Variants in USP32 observed in about 807,000 individuals in gnomAD.
USP32 encodes the protein ubiquitin carboxyl-terminal hydrolase 32.
USP32 carries 59 observed loss-of-function variants against 204.8 expected under a neutral mutation model. The observed-to-expected ratio is 0.29, with a 90% confidence interval of 0.23 to 0.36. The LOEUF is 0.36. Ranked by LOEUF, USP32 falls within the 10% of genes least tolerant of loss-of-function variation. The pLI, the probability that USP32 is intolerant of heterozygous loss-of-function variation, is 1.00. For synonymous variants in USP32, 517 were observed against 678.4 expected, an observed-to-expected ratio of 0.76 and a Z score of 3.70; for missense variants, 1,160 against 1,946.4, an observed-to-expected ratio of 0.60 and a Z score of 7.60.
At chr17:60,279,423 G>A (rs912709616) in intron 5 of USP32, among the ~76,000 whole-genome samples, 7 of 151,350 alleles carry the variant, frequency 4.6e-5, no homozygotes, top group African/African-American at 1.5e-4. Flanking sequence ...AGGTTGAGGC[G>A]GCATTGAGCC....
intron 11 of USP32, among the ~76,000 whole-genome samples, chr17:60,239,827 G>A (rs571291213): frequency 9.2e-5 from 14 of 152,242 alleles, no homozygotes; most frequent in East Asian, 5.8e-4. Flanking sequence ...TCCGCCTCCC[G>A]GGTTCAAGGG....
At chr17:60,227,247 A>G (rs928137216) in intron 12 of USP32, among the ~76,000 whole-genome samples, 1 of 150,440 alleles carries the variant, frequency 6.6e-6, no homozygotes, top group African/African-American at 2.4e-5. Context: ...CTGGCAAGCG[A>G]CACTAGTTTT....
At chr17:60,333,649 AAGGG>A (rs971897333) in intron 2 of USP32, among the ~76,000 whole-genome samples, 12 of 147,036 alleles carry the variant, frequency 8.2e-5, no homozygotes, top group African/African-American at 3.0e-4. Flanking sequence ...GGAAGAAAGA[AAGGG>A]AGGGAGAGAA....
chr17:60,199,043 C>T (rs190869304), intron 26 of USP32, among the ~76,000 whole-genome samples: 399 of 150,404 alleles, frequency 2.7e-3, no homozygotes, highest in Non-Finnish European at 4.5e-3. Flanking sequence ...CTGAGTCTGG[C>T]AAGTTGAGGG....
chr17:60,376,292 C>T (rs1311427487), intron 1 of USP32, among the ~76,000 whole-genome samples: 6 of 151,452 alleles, frequency 4.0e-5, no homozygotes, highest in African/African-American at 7.3e-5. Flanking sequence ...TGAAAAGTAA[C>T]GGTTTCTAAG....
At chr17:60,376,800 G>A (rs1323851024) in intron 1 of USP32, among the ~76,000 whole-genome samples, 2 of 151,964 alleles carry the variant, frequency 1.3e-5, no homozygotes, top group Non-Finnish European at 2.9e-5. Context: ...GGGATTACAG[G>A]TTGAGCCACC....
chr17:60,267,531 T>A (rs1346757335), intron 7 of USP32, among the ~76,000 whole-genome samples: 1 of 152,278 alleles, frequency 6.6e-6, no homozygotes, highest in East Asian at 1.9e-4. Context: ...TAACTCTTTT[T>A]TTTTTCTTTT....
chr17:60,245,504 C>T, intron 11 of USP32: 2 of 335,762 alleles, frequency 6.0e-6, no homozygotes, highest in South Asian at 2.8e-5. Context: ...TGTTGCTGAA[C>T]CTTCTACAAA....
At position 60,265,403 on chromosome 17, in the gene USP32, T is replaced by A. The variant is rs959109193; in HGVS notation, c.990+9A>T. 15 of 1,579,782 alleles carry A rather than the reference T, an allele frequency of 9.5e-6. No individual in the cohort carries two copies. Among genetic ancestry groups the A allele is most frequent in the African/African-American group, 8.1e-5 (6 of 73,944 alleles). ...TAGAAAAAGATAAATTAGTTCTATC[T>A]AGACTCACCTTTGTGGTGTCATGTG... is the stretch of plus-strand genomic sequence containing the variant. On this transcript the variant is annotated intron_variant, in intron 9 of 33. Transcript: ENST00000300896.
intron 3 of USP32, among the ~76,000 whole-genome samples, chr17:60,298,891 G>A (rs1324777876): frequency 6.6e-6 from 1 of 152,188 alleles, no homozygotes; most frequent in Non-Finnish European, 1.5e-5. Context: ...GGAAGACAGA[G>A]GCAGAAGGAT....
In USP32 at chr17:60,273,854, G is replaced by A. The variant is rs574651739; in HGVS notation, c.572-2373C>T. ...GGGTGCCTGTAGTCCCAGCTACTCC[G>A]GAGGCTGAGGCAGGACAATCGCTTG... On this transcript the variant is annotated intron_variant, in intron 5 of 33. Coordinates refer to ENST00000300896, the MANE Select transcript of USP32 (RefSeq NM_032582.4). Among the ~76,000 whole-genome samples the A allele has an allele frequency of 5.3e-5, 8 of 151,440 alleles. No homozygotes were observed. The South Asian group carries it at 6.2e-4, about 12-fold the overall frequency.
chr17:60,378,469 C>T (rs1292132597), intron 1 of USP32, among the ~76,000 whole-genome samples: 3 of 152,068 alleles, frequency 2.0e-5, no homozygotes, highest in African/African-American at 7.2e-5. Flanking sequence ...GAAGTGAAAG[C>T]AGGACTCAGA....
intron 2 of USP32, among the ~76,000 whole-genome samples, chr17:60,333,137 T>TC (rs999652278): frequency 2.6e-5 from 4 of 152,110 alleles, no homozygotes; most frequent in Admixed American, 1.3e-4. Flanking sequence ...GGGGCACAAC[T>TC]CCCCGCAAGG....
chr17:60,191,146 A>ACAG (rs887332900), intron 28 of USP32, among the ~76,000 whole-genome samples: 12 of 152,142 alleles, frequency 7.9e-5, no homozygotes, highest in African/African-American at 2.9e-4. Flanking sequence ...TCATGCCTGT[A>ACAG]ATCCCAGCAC....
At position 60,359,869 on chromosome 17, in the gene USP32, A is replaced by AT. The variant is rs879912809; in HGVS notation, c.59-14262dup. Among the ~76,000 whole-genome samples, 722 of 142,030 alleles carry AT rather than the reference A, an allele frequency of 5.1e-3. 5 individuals are homozygous for AT. Among genetic ancestry groups the AT allele is most frequent in the East Asian group, 0.026 (125 of 4,878 alleles). 93.2% of individuals were successfully genotyped at this position (142,030 alleles called of 152,430 possible). On this transcript the variant is annotated intron_variant, in intron 1 of 33. Transcript: ENST00000300896. ...ACATGACAATGTTTGTAAGACAAAG[A>AT]TTTTTTTTTTTTTTTTGAGATGGAG...
chr17:60,184,259 G>GA (rs907549107), intron 30 of USP32, among the ~76,000 whole-genome samples: 107 of 149,256 alleles, frequency 7.2e-4, no homozygotes, highest in Middle Eastern at 7.0e-3. Flanking sequence ...GGCTTGCAGT[G>GA]AACTGAGATG....
chr17:60,185,281 C>T (rs180895589), intron 30 of USP32, among the ~76,000 whole-genome samples, 179 bp downstream of exon 30: 63 of 152,270 alleles, frequency 4.1e-4, no homozygotes, highest in African/African-American at 1.5e-3. Context: ...AAAAGAACTA[C>T]AAAATATTTG....
chr17:60,294,733 G>A lies in USP32; in HGVS notation c.361C>T (p.His121Tyr). The change falls in exon 4 of 34, where the codon CAC becomes TAC. Residue 121 changes from histidine (H) to tyrosine (Y), a missense_variant. Around this residue, in one of 8 missense-constraint regions of USP32, gnomAD observed 536 missense variants for 680.9 expected, o/e 0.79. Transcript: ENST00000300896. ...TCTGGGACTTTACCATCCACCACGTGGAGCATTCTTTCCATTTCTTCCCGT... is the reference window on the plus strand; with the variant it reads ...TCTGGGACTTTACCATCCACCACGTAGAGCATTCTTTCCATTTCTTCCCGT... ...VIREEMERML[H>Y]VVDGKVPDTL... 6.2e-7 allele frequency: 1 copy of A among 1,612,930 alleles called. No individual in the cohort carries two copies. Among genetic ancestry groups the A allele is most frequent in the Non-Finnish European group, 8.5e-7 (1 of 1,179,360 alleles).
intron 5 of USP32, 42 bp from the exon 6 acceptor site, chr17:60,271,523 T>G (rs1237370960): frequency 6.3e-7 from 1 of 1,598,038 alleles, no homozygotes; most frequent in Admixed American, 1.7e-5. Flanking sequence ...CTCAGAATTC[T>G]CTTCTCAGGA....
Sources: gnomAD v4.1 joint callset for allele counts (sites outside exome capture counted in the v4.1 genomes callset) on GRCh38, gnomAD v4.1.1 for gene constraint, gnomAD v4.1.1 regional missense constraint, MANE v1.5 for transcripts, NCBI Gene and HGNC (gene_info 2026-07-23, HGNC 2026-07-21) for gene names.